The following ADAMTS19 variants were observed in gnomAD, a reference collection of about 807,000 sequenced individuals.
ADAMTS19 encodes the protein ADAM metallopeptidase with thrombospondin type 1 motif 19.
ADAMTS19 carries 93 observed loss-of-function variants against 153.3 expected under a neutral mutation model. The ratio of observed to expected loss-of-function variants is 0.61; its 90% CI spans 0.51 to 0.72. The LOEUF is 0.72. Among genes scored for constraint, ADAMTS19 ranks in the 30% least tolerant of loss-of-function variants. The pLI is 0.00. For synonymous variants in ADAMTS19, 600 were observed against 556.6 expected, an observed-to-expected ratio of 1.08 and a Z score of -1.10; for missense variants, 1,482 against 1,552.1, an observed-to-expected ratio of 0.95 and a Z score of 0.76.
At chr5:129,677,278 C>G (rs1045163863) in intron 16 of ADAMTS19, among the ~76,000 whole-genome samples, 2 of 152,142 alleles carry the variant, frequency 1.3e-5, no homozygotes, top group Non-Finnish European at 2.9e-5. Flanking sequence ...GAGTTCCAGA[C>G]CAGCCTGGCC....
intron 3 of ADAMTS19, among the ~76,000 whole-genome samples, chr5:129,515,839 G>A (rs1751586418): frequency 6.6e-6 from 1 of 151,984 alleles, no homozygotes; most frequent in Non-Finnish European, 1.5e-5. Context: ...TAACAGTGGA[G>A]AGAGTGGGCA....
Position 129,509,204 on chromosome 5 carries a change from A to C in ADAMTS19, c.875A>C (p.Lys292Thr). The change falls in exon 3 of 23, where the codon AAG becomes ACG. Residue 292 changes from lysine to threonine, a missense_variant. Physicochemically the swap from Lys to Thr is moderately conservative, Grantham distance 78. Coordinates refer to ENST00000274487, the MANE Select transcript of ADAMTS19 (RefSeq NM_133638.6). ...KRSMEEKVTE[K>T]SALHSHYCGI... ...TCCATGGAGGAAAAGGTCACAGAGA[A>C]GTCAGCTCTTCACAGTCATTACTGT... The C allele has an allele frequency of 1.9e-6, 3 of 1,612,220 alleles. No individual in the cohort carries two copies. The highest frequency in any genetic ancestry group is 2.5e-6 in the Non-Finnish European group (3 of 1,178,688).
chr5:129,557,493 G>A (rs536847865), intron 7 of ADAMTS19, among the ~76,000 whole-genome samples: 2 of 152,100 alleles, frequency 1.3e-5, no homozygotes, highest in Non-Finnish European at 2.9e-5. Context: ...CCAGCTACTT[G>A]GGAGGCTGAG....
intron 21 of ADAMTS19, among the ~76,000 whole-genome samples, chr5:129,705,839 T>C (rs1287971873): frequency 6.6e-6 from 1 of 152,234 alleles, no homozygotes; most frequent in East Asian, 1.9e-4. Flanking sequence ...ACTCCCTCTT[T>C]GCATAGATGG....
chr5:129,589,067 T>C (rs1239171417), intron 7 of ADAMTS19, among the ~76,000 whole-genome samples: 2 of 152,044 alleles, frequency 1.3e-5, no homozygotes, highest in East Asian at 3.9e-4. Context: ...CTAAAATTAG[T>C]TATTTCTATC....
intron 19 of ADAMTS19, among the ~76,000 whole-genome samples, chr5:129,695,105 T>C (rs1755496356): frequency 1.3e-5 from 2 of 152,148 alleles, no homozygotes; most frequent in Non-Finnish European, 2.9e-5. Context: ...TTATTTAAAA[T>C]CATTTCATAA....
At chr5:129,580,463 A>G (rs1026235532) in intron 7 of ADAMTS19, among the ~76,000 whole-genome samples, 2 of 152,110 alleles carry the variant, frequency 1.3e-5, no homozygotes, top group African/African-American at 4.8e-5. Context: ...AGAACGTCCA[A>G]TATATGTTAA....
chr5:129,608,853 A>G (rs1314873629), intron 8 of ADAMTS19, among the ~76,000 whole-genome samples: 2 of 151,460 alleles, frequency 1.3e-5, no homozygotes, highest in African/African-American at 2.4e-5. Context: ...TCTCAAAAAA[A>G]AAAGAAAAAA....
chr5:129,562,145 A>G (rs1448199393), intron 7 of ADAMTS19, among the ~76,000 whole-genome samples: 1 of 152,216 alleles, frequency 6.6e-6, no homozygotes, highest in Non-Finnish European at 1.5e-5. Flanking sequence ...ATGCTTCATG[A>G]AAAGCACAGC....
chr5:129,732,418 G>T (rs1757478471), intron 21 of ADAMTS19, among the ~76,000 whole-genome samples: 1 of 152,014 alleles, frequency 6.6e-6, no homozygotes, highest in African/African-American at 2.4e-5. Flanking sequence ...TGTATACCTA[G>T]AAAACTCTAA....
At chr5:129,554,430 A>G (rs1753243103) in intron 7 of ADAMTS19, among the ~76,000 whole-genome samples, 1 of 152,040 alleles carries the variant, frequency 6.6e-6, no homozygotes, top group Admixed American at 6.6e-5. Flanking sequence ...GAGACATATG[A>G]TCTATTCCCT....
At chr5:129,533,350 T>C (rs970375517) in intron 6 of ADAMTS19, among the ~76,000 whole-genome samples, 5 of 152,174 alleles carry the variant, frequency 3.3e-5, no homozygotes, top group African/African-American at 1.2e-4. Context: ...CTCATTTAAC[T>C]TGTGTATATT....
At position 129,461,227 on chromosome 5, in the gene ADAMTS19, G is replaced by C. The variant is rs1420398376; in HGVS notation, c.217G>C (p.Gly73Arg). Reference protein sequence around the residue: ...SADPGWVRGVGGGGSARAQAA... With the variant: ...SADPGWVRGVRGGGSARAQAA... The stretch of plus-strand genomic sequence containing the variant: ...GGACCCGGGCTGGGTGCGCGGCGTT[G>C]GGGGCGGCGGAAGCGCCCGGGCGCA... The change falls in exon 2 of 23, where the codon GGG becomes CGG. Residue 73 changes from glycine (G) to arginine (R), a missense_variant. Around this residue, in one of 2 missense-constraint regions of ADAMTS19, gnomAD observed 866 missense variants for 827.7 expected, o/e 1.05. Transcript: ENST00000274487. This position sits in a 1 kb window ranked among gnomAD's most constrained non-coding sequence, Gnocchi z 4.6. 1.7e-5 allele frequency: 22 copies of C among 1,269,074 alleles called. No individual in the cohort carries two copies. Among genetic ancestry groups the C allele is most frequent in the Non-Finnish European group, 2.2e-5 (22 of 1,013,710 alleles). The allele number at this position is 1,269,074 out of a possible 1,614,324, so 78.6% of individuals were successfully genotyped here.
rs563136772 is a variant in ADAMTS19, at chr5:129,529,271, A to G, written c.1328+594A>G. Among the ~76,000 whole-genome samples, 3 of 152,312 alleles carry G rather than the reference A, an allele frequency of 2.0e-5. No individual in the cohort carries two copies. The South Asian group carries it at 6.2e-4, about 32-fold the overall frequency. ...ATAATTTGTCTTGCTTAAAGCTGGT[A>G]AAAATAAGTAATTCATTGTGAACTA... On this transcript the variant is annotated intron_variant, in intron 6 of 22. Coordinates refer to ENST00000274487, the MANE Select transcript of ADAMTS19 (RefSeq NM_133638.6).
chr5:129,463,494 T>C (rs1749757684), intron 2 of ADAMTS19, among the ~76,000 whole-genome samples: 1 of 152,218 alleles, frequency 6.6e-6, no homozygotes, highest in Non-Finnish European at 1.5e-5. Flanking sequence ...TCCTATTAGC[T>C]ACATATGTAT....
chr5:129,621,006 A>G (rs920477787), intron 9 of ADAMTS19, among the ~76,000 whole-genome samples: 4 of 152,126 alleles, frequency 2.6e-5, no homozygotes, highest in African/African-American at 9.7e-5. Context: ...AAAAATTGTT[A>G]TCATGATTTT....
chr5:129,500,927 C>T (rs1751081701), intron 2 of ADAMTS19, among the ~76,000 whole-genome samples: 2 of 152,060 alleles, frequency 1.3e-5, no homozygotes, highest in South Asian at 2.1e-4. Flanking sequence ...TATTAAGAAA[C>T]AAGCTTTTCT....
rs76944889 is a variant in ADAMTS19, at chr5:129,668,566, G to T, written c.2506+2987G>T. Among the ~76,000 whole-genome samples, 1,278 of 152,138 alleles carry T rather than the reference G, an allele frequency of 8.4e-3. 20 individuals are homozygous for T. Among genetic ancestry groups the T allele is most frequent in the African/African-American group, 0.025 (1,035 of 41,492 alleles). On this transcript the variant is annotated intron_variant, in intron 16 of 22. Transcript: ENST00000274487. ...GACACTAATCCCAATTATAAGGGCA[G>T]CGCTCTTATGACCTAATCACCTCTC... is the stretch of plus-strand genomic sequence containing the variant.
intron 8 of ADAMTS19, among the ~76,000 whole-genome samples, chr5:129,610,918 T>C (rs576762271): frequency 4.5e-4 from 69 of 152,246 alleles, no homozygotes; most frequent in African/African-American, 1.7e-3. Context: ...AGTGTAAAAG[T>C]GTTCCTATTT....
Sources: gnomAD v4.1 joint callset for allele counts (sites outside exome capture counted in the v4.1 genomes callset) on GRCh38, gnomAD v4.1.1 for gene constraint, gnomAD v4.1.1 regional missense constraint, Gnocchi (gnomAD v3.1) non-coding constraint, MANE v1.5 for transcripts, NCBI Gene and HGNC (gene_info 2026-07-23, HGNC 2026-07-21) for gene names.